GGA2: variants seen among roughly 807,000 people sequenced by gnomAD.
The protein encoded by GGA2 is golgi associated, gamma adaptin ear containing, ARF binding protein 2.
A neutral mutation model predicts 79.5 loss-of-function variants in GGA2; 48 were observed. The ratio of observed to expected loss-of-function variants is 0.60; its 90% CI spans 0.48 to 0.77. The LOEUF is 0.77. Among genes scored for constraint, GGA2 ranks in the 30% least tolerant of loss-of-function variants. The pLI is 0.00. For missense variants in GGA2, 770 were observed against 774.0 expected, an observed-to-expected ratio of 0.99 and a Z score of 0.06; for synonymous variants, 317 against 302.0, an observed-to-expected ratio of 1.05 and a Z score of -0.51.
intron 1 of GGA2, 114 bp downstream of exon 1, chr16:23,510,207 C>T (rs1051503414): frequency 3.6e-6 from 2 of 557,176 alleles, no homozygotes; most frequent in African/African-American, 4.0e-5. Context: ...GGCCCCCTAC[C>T]CGGCCGCCGG....
At chr16:23,488,112 C>T (rs1567364345) in intron 6 of GGA2, among the ~76,000 whole-genome samples, 1 of 152,054 alleles carries the variant, frequency 6.6e-6, no homozygotes, top group South Asian at 2.1e-4. Flanking sequence ...GGCTCACTGG[C>T]ACTGAGAAAG....
At chr16:23,474,828 T>C in intron 14 of GGA2, 76 bp downstream of exon 14, 1 of 1,100,820 alleles carries the variant, frequency 9.1e-7, no homozygotes, top group Admixed American at 1.8e-5. Flanking sequence ...TCTATCAAAC[T>C]GGAGTGGAAA....
rs1033881759 is a variant in GGA2, at chr16:23,465,640, C to T, written c.*1950G>A. 1 of 536,556 alleles carries T rather than the reference C, an allele frequency of 1.9e-6. No individual in the cohort carries two copies. The highest frequency in any genetic ancestry group is 3.3e-6 in the Non-Finnish European group (1 of 301,314). The allele number at this position is 536,556 out of a possible 1,614,324, so 33.2% of individuals were successfully genotyped here. A position where few individuals can be genotyped will look rare whatever the true frequency, so the allele number is the denominator to read the frequency against. On this transcript the variant is annotated 3_prime_UTR_variant, in exon 17 of 17. Coordinates refer to ENST00000309859, the MANE Select transcript of GGA2 (RefSeq NM_015044.4). ...TCAAGACTACGCAACAGTAACAGAG[C>T]CTATAAAAGCTACACAGAGGCCGGG...
At chr16:23,481,445 G>A (rs1391103839) in intron 9 of GGA2, among the ~76,000 whole-genome samples, 1 of 152,062 alleles carries the variant, frequency 6.6e-6, no homozygotes, top group Non-Finnish European at 1.5e-5. Flanking sequence ...AACTGAGACC[G>A]AGAGAACTGT....
At chr16:23,502,771 G>A (rs1241319792) in intron 1 of GGA2, among the ~76,000 whole-genome samples, 1 of 152,230 alleles carries the variant, frequency 6.6e-6, no homozygotes, top group Non-Finnish European at 1.5e-5. Context: ...ATCCTATGGT[G>A]CACAGGACTG....
At chr16:23,510,077 T>G (rs1596998254) in intron 1 of GGA2, among the ~76,000 whole-genome samples, 1 of 47,062 alleles carries the variant, frequency 2.1e-5, no homozygotes, top group South Asian at 5.7e-4. Flanking sequence ...GTGCTGCTGC[T>G]AAGTTGGGGG....
chr16:23,470,764 CAAA>C (rs1225500791), intron 14 of GGA2, among the ~76,000 whole-genome samples: 6 of 132,720 alleles, frequency 4.5e-5, no homozygotes, highest in African/African-American at 1.4e-4. Flanking sequence ...AACAAACAAA[CAAA>C]AAACAAAAAG....
At chr16:23,520,633 G>A (rs1403826702) in intron 1 of GGA2, among the ~76,000 whole-genome samples, 1 of 151,016 alleles carries the variant, frequency 6.6e-6, no homozygotes, top group Non-Finnish European at 1.5e-5. Flanking sequence ...TCCAGTCTGG[G>A]CAGGCAACAG....
At chr16:23,515,944 T>C (rs1965100244) in intron 2 of GGA2, among the ~76,000 whole-genome samples, 1 of 151,714 alleles carries the variant, frequency 6.6e-6, no homozygotes, top group Admixed American at 6.6e-5. Context: ...GGTTCAAGTA[T>C]CCTTCCACCT....
intron 5 of GGA2, among the ~76,000 whole-genome samples, chr16:23,490,075 G>A (rs539067681): frequency 6.6e-6 from 1 of 152,296 alleles, no homozygotes; most frequent in Admixed American, 6.5e-5. Context: ...AGGGATGGCT[G>A]TCTACTGCTA....
At chr16:23,470,933 G>GA (rs760326241) in intron 14 of GGA2, among the ~76,000 whole-genome samples, 1 of 136,414 alleles carries the variant, frequency 7.3e-6, no homozygotes, top group Non-Finnish European at 1.5e-5. Context: ...GGATTCAAAC[G>GA]ATTCTCCCAC....
intron 3 of GGA2, 133 bp from the exon 4 acceptor site, chr16:23,493,591 A>C (rs1596989670): frequency 1.5e-6 from 1 of 646,788 alleles, no homozygotes; most frequent in East Asian, 2.7e-5. Context: ...GAGGACACTG[A>C]AGTTTTGATG....
chr16:23,488,512 G>T, intron 6 of GGA2, 94 bp downstream of exon 6: 1 of 796,590 alleles, frequency 1.3e-6, no homozygotes. Context: ...CATGTAACCT[G>T]CCCCCCTCCA....
intron 9 of GGA2, 85 bp from the exon 10 acceptor site, chr16:23,480,855 T>G: frequency 7.6e-7 from 1 of 1,308,488 alleles, no homozygotes; most frequent in African/African-American, 1.4e-5. Flanking sequence ...AAAACAGCCT[T>G]CATATGGCTA....
At chr16:23,507,817 T>C (rs947822260) in intron 1 of GGA2, among the ~76,000 whole-genome samples, 1 of 151,114 alleles carries the variant, frequency 6.6e-6, no homozygotes, top group African/African-American at 2.4e-5. Context: ...AATAAATAAA[T>C]AAATAAAAAT....
intron 8 of GGA2, among the ~76,000 whole-genome samples, chr16:23,485,149 G>GT (rs1964696175): frequency 2.0e-5 from 3 of 152,176 alleles, no homozygotes; most frequent in Non-Finnish European, 4.4e-5. Context: ...CACGTATTGT[G>GT]CAACCGCATT....
rs1383357138 is a variant in GGA2 at position 23,474,896 on chromosome 16, G to C, written c.1450+8C>G. On this transcript the variant is annotated splice_region_variant and intron_variant, in intron 14 of 16. Transcript: ENST00000309859. ...AAAAAAAAAGGTGGGGAGTGAAATT[G>C]TACTTACTGGGCTTAACAGACTCCA... 1 of 1,589,928 alleles carries C rather than the reference G, an allele frequency of 6.3e-7. No homozygotes were observed. Among genetic ancestry groups the C allele is most frequent in the Admixed American group, 1.7e-5 (1 of 59,844 alleles).
chr16:23,501,338 C>G lies in GGA2; in HGVS notation c.92-5560G>C, dbSNP rs1897492535. The G allele has an allele frequency of 6.6e-6, 3 of 457,064 alleles. No homozygotes were observed. In the Admixed American group the frequency reaches 7.1e-5, roughly 11 times the overall value. 28.3% of individuals were successfully genotyped at this position (457,064 alleles called of 1,614,324 possible). A position where few individuals can be genotyped will look rare whatever the true frequency, so the allele number is the denominator to read the frequency against. ...TCTTGCCTCCAAGGTTTGGAGAAAT[C>G]ATGGTCTGTGGAGTGTGGATGACAG... On this transcript the variant is annotated intron_variant, in intron 1 of 16. Transcript: ENST00000309859.
chr16:23,498,797 A>G (rs1687178602), intron 1 of GGA2, among the ~76,000 whole-genome samples: 1 of 152,240 alleles, frequency 6.6e-6, no homozygotes, highest in Non-Finnish European at 1.5e-5. Context: ...TATCTTCCCT[A>G]CAGTGCCTTA....
Sources: allele counts gnomAD v4.1 joint callset (sites outside exome capture counted in the v4.1 genomes callset), GRCh38; gene constraint gnomAD v4.1.1; transcripts MANE v1.5; gene names NCBI Gene and HGNC (gene_info 2026-07-23, HGNC 2026-07-21).